Variants in CEP164 observed in about 807,000 individuals in gnomAD.
CEP164 encodes the protein centrosomal protein of 164 kDa.
A neutral mutation model predicts 182.7 loss-of-function variants in CEP164; 162 were observed. The observed-to-expected ratio is 0.89, with a 90% CI of 0.78 to 1.01. The LOEUF is 1.01. CEP164 is among the 50% of genes least tolerant of loss of function. The pLI, the probability that CEP164 is intolerant of heterozygous loss-of-function variation, is 0.00. For synonymous variants in CEP164, 661 were observed against 690.0 expected (o/e 0.96, Z 0.66); for missense variants, 1,735 against 1,790.4 (o/e 0.97, Z 0.56).
chr11:117,324,355 G>A (rs1287438287), upstream of CEP164, among the ~76,000 whole-genome samples: 1 of 151,688 alleles, frequency 6.6e-6, no homozygotes, highest in African/African-American at 2.4e-5. Flanking sequence ...GCTGGGGCAG[G>A]AGAATCGCTT....
Position 117,409,383 on chromosome 11 carries a change from G to C in CEP164, c.3749-235G>C. ...TCCCCTTCCTTCTCTCTGGGGTCCT[G>C]GGCCCTTCACCCAGCACCTTGCCCT... On this transcript the variant is annotated intron_variant, in intron 29 of 32. Coordinates refer to ENST00000278935, the MANE Select transcript of CEP164 (RefSeq NM_014956.5). The surrounding 1 kb of genome is among the most constrained non-coding windows in gnomAD (Gnocchi z 4.4). The C allele has an allele frequency of 1.7e-6, 1 of 583,134 alleles. No homozygotes were observed. Among genetic ancestry groups the C allele is most frequent in the South Asian group, 2.3e-5 (1 of 43,478 alleles). 36.1% of individuals were successfully genotyped at this position (583,134 alleles called of 1,614,324 possible).
intron 24 of CEP164, 64 bp downstream of exon 24, chr11:117,395,786 G>C: frequency 6.5e-7 from 1 of 1,533,766 alleles, no homozygotes; most frequent in East Asian, 2.3e-5. Flanking sequence ...GACCTCTGCT[G>C]CTTGTGTCAT....
chr11:117,366,314 C>A (rs899259657), intron 8 of CEP164, among the ~76,000 whole-genome samples: 2 of 152,130 alleles, frequency 1.3e-5, no homozygotes, highest in African/African-American at 2.4e-5. Context: ...AGATGGACTT[C>A]TGAGGTTAGT....
At chr11:117,322,201 C>A (rs1292046549) in intron 1 of CEP164, among the ~76,000 whole-genome samples, 1 of 151,898 alleles carries the variant, frequency 6.6e-6, no homozygotes, top group East Asian at 1.9e-4. Flanking sequence ...CTACAACCTC[C>A]ACCTCCCAGG....
In CEP164 at chr11:117,395,165, C is replaced by CAG; in HGVS notation, c.2890_2891dup (p.Gln965GlyfsTer5). The CAG allele has an allele frequency of 6.2e-7, 1 of 1,614,046 alleles. No individual in the cohort carries two copies. Among genetic ancestry groups the CAG allele is most frequent in the Non-Finnish European group, 8.5e-7 (1 of 1,180,014 alleles). On this transcript the variant is annotated frameshift_variant, in exon 23 of 33. Coordinates refer to ENST00000278935, the MANE Select transcript of CEP164 (RefSeq NM_014956.5). LOFTEE classifies it high-confidence loss of function. Reference sequence around the variant, plus strand: ...GGAGAAGCAGCAGCTGCTTGATGTGCAGAGGCAGGTTGCTCTGAAGAGTGA... The same window carrying CAG: ...GGAGAAGCAGCAGCTGCTTGATGTGCAGAGAGGCAGGTTGCTCTGAAGAGTGA...
chr11:117,361,421 TAG>T (rs2040957417), intron 5 of CEP164, among the ~76,000 whole-genome samples: 1 of 151,606 alleles, frequency 6.6e-6, no homozygotes, highest in Admixed American at 6.6e-5. Flanking sequence ...TTGTATTTTT[TAG>T]TAGAGACAGG....
Position 117,361,836 on chromosome 11 carries a change from C to G in CEP164, c.395C>G (p.Ala132Gly), listed in dbSNP as rs61746874. 1.1e-3 allele frequency: 1,764 copies of G among 1,614,200 alleles called. 18 individuals carry two copies. In the African/African-American group the frequency reaches 0.021, roughly 19 times the overall value. Reference sequence around the variant, plus strand: ...AACAAGATGTTTTCTGTTGCACAGGCCTTGGGTTCCTCATTAGCCCCAGTT... The same window carrying G: ...AACAAGATGTTTTCTGTTGCACAGGGCTTGGGTTCCTCATTAGCCCCAGTT... The part of the protein sequence containing the change: ...KDRDPPKSSL[A>G]LGSSLAPVHV... Residue 132 changes from alanine to glycine, a missense_variant and splice_region_variant, in exon 6 of 33, where the codon GCC becomes GGC. Coordinates refer to ENST00000278935, the MANE Select transcript of CEP164 (RefSeq NM_014956.5).
At chr11:117,395,802 A>T (rs2045357174) in intron 24 of CEP164, 80 bp downstream of exon 24, 2 of 1,484,890 alleles carry the variant, frequency 1.3e-6, no homozygotes, top group South Asian at 2.7e-5. Flanking sequence ...GTCATGGCCC[A>T]GTTAATAGGG....
Position 117,373,840 on chromosome 11 carries a change from G to A in CEP164, c.1233+9G>A, listed in dbSNP as rs1042105817. The stretch of plus-strand genomic sequence containing the variant: ...AGTCCTTCCATGGCCTGGTGAGTTT[G>A]AGATGAGGGCAGTAGAGTGGTGGTG... On this transcript the variant is annotated intron_variant, in intron 10 of 32. Coordinates refer to ENST00000278935, the MANE Select transcript of CEP164 (RefSeq NM_014956.5). 5.0e-6 allele frequency: 8 copies of A among 1,612,250 alleles called. No individual in the cohort carries two copies. The African/African-American group carries it at 8.0e-5, about 16-fold the overall frequency.
At chr11:117,408,565 C>T (rs1256560439) in intron 28 of CEP164, 1 of 363,750 alleles carries the variant, frequency 2.7e-6, no homozygotes, top group African/African-American at 2.1e-5. Context: ...CCCTCCCACC[C>T]TGCTGTGAGG....
At chr11:117,392,981 C>T in intron 19 of CEP164, 23 bp from the exon 20 acceptor site, 6 of 1,612,014 alleles carry the variant, frequency 3.7e-6, no homozygotes, top group Non-Finnish European at 5.1e-6. Flanking sequence ...CTTCATGCCA[C>T]ATCCCTGCCA....
At chr11:117,396,698 A>C (rs2045516675) in intron 26 of CEP164, 87 bp downstream of exon 26, 1 of 1,056,636 alleles carries the variant, frequency 9.5e-7, no homozygotes, top group African/African-American at 1.6e-5. Flanking sequence ...GGGTGAGCTG[A>C]AGTGAGGAGA....
At chr11:117,384,548 G>C (rs912664574) in intron 14 of CEP164, 1 of 152,250 alleles carries the variant, frequency 6.6e-6, no homozygotes. Context: ...GCCGGGCTCA[G>C]TTGGGGCCTT....
In CEP164 at chr11:117,351,934, A is replaced by G. The variant is rs1443066781; in HGVS notation, c.339A>G (p.Lys113=). 1.9e-6 allele frequency: 3 copies of G among 1,611,416 alleles called. No individual in the cohort carries two copies. Among genetic ancestry groups the G allele is most frequent in the Admixed American group, 1.7e-5 (1 of 59,736 alleles). The change falls in exon 5 of 33, where the codon AAA becomes AAG. Residue 113 remains lysine (K), a synonymous_variant. Transcript: ENST00000278935. Reference sequence around the variant, plus strand: ...CTTCTGGGGCCATTAAGAAGAAGAAAAAAAAAAAGGAAAAGAAAGACAAGA... The same window carrying G: ...CTTCTGGGGCCATTAAGAAGAAGAAGAAAAAAAAGGAAAAGAAAGACAAGA... ...LSTSGAIKKK[K]KKKEKKDKKD...
At chr11:117,392,695 G>A (rs934715072) in intron 19 of CEP164, 68 bp downstream of exon 19, 6 of 1,562,724 alleles carry the variant, frequency 3.8e-6, no homozygotes, top group South Asian at 2.4e-5. Context: ...CAGCTGAGCC[G>A]GCCTAGCCTC....
chr11:117,344,059 A>G (rs1333216203), intron 3 of CEP164, 107 bp from the exon 4 acceptor site: 17 of 643,174 alleles, frequency 2.6e-5, no homozygotes, highest in East Asian at 8.2e-5. Context: ...AATTTAAAGA[A>G]TACGATTTTC....
intron 5 of CEP164, among the ~76,000 whole-genome samples, chr11:117,357,201 G>A (rs909674153): frequency 6.7e-6 from 1 of 149,532 alleles, no homozygotes; most frequent in African/African-American, 2.5e-5. Context: ...TTGAATCCCA[G>A]GTTCAAGTGA....
At chr11:117,391,352 C>A in intron 17 of CEP164, 137 bp downstream of exon 17, 3 of 750,168 alleles carry the variant, frequency 4.0e-6, no homozygotes, top group Non-Finnish European at 6.6e-6. Flanking sequence ...GTAGGTCTCA[C>A]ACACACAGGC....
chr11:117,406,715 A>G (rs550484204), intron 27 of CEP164, among the ~76,000 whole-genome samples: 2 of 152,308 alleles, frequency 1.3e-5, no homozygotes, highest in East Asian at 3.9e-4. Context: ...CAGATACTTC[A>G]TTATTATTAG....
Sources: gnomAD v4.1 joint callset for allele counts (sites outside exome capture counted in the v4.1 genomes callset) on GRCh38, gnomAD v4.1.1 for gene constraint, Gnocchi (gnomAD v3.1) non-coding constraint, MANE v1.5 for transcripts, NCBI Gene and HGNC (gene_info 2026-07-23, HGNC 2026-07-21) for gene names.